BICC1: variants seen among roughly 807,000 people sequenced by gnomAD.
BICC1 encodes the protein BicC family RNA binding protein 1.
BICC1 carries 43 observed loss-of-function variants against 111.0 expected under a neutral mutation model. The ratio of observed to expected loss-of-function variants is 0.39; its 90% CI spans 0.30 to 0.50. BICC1 has a LOEUF of 0.50. Among genes scored for constraint, BICC1 ranks in the 20% least tolerant of loss-of-function variants. The pLI is 0.88. For synonymous variants in BICC1, 467 were observed against 434.4 expected (o/e 1.07, Z -0.93); for missense variants, 1,091 against 1,203.2 (o/e 0.91, Z 1.38).
chr10:58,769,411 T>TATATATATATATATAC, intron 3 of BICC1, among the ~76,000 whole-genome samples: 1 of 144,550 alleles, frequency 6.9e-6, no homozygotes. Flanking sequence ...TGTGTATATA[T>TATATATATATATATAC]ATATATATAT....
At chr10:58,701,994 A>G (rs1479075910) in intron 2 of BICC1, 80 bp from the exon 3 acceptor site, 2 of 1,084,384 alleles carry the variant, frequency 1.8e-6, no homozygotes, top group Non-Finnish European at 2.7e-6. Context: ...CTTGAAAATA[A>G]ACTTTTTTGT....
At chr10:58,767,198 A>G (rs1337121746) in intron 3 of BICC1, among the ~76,000 whole-genome samples, 1 of 152,044 alleles carries the variant, frequency 6.6e-6, no homozygotes, top group Non-Finnish European at 1.5e-5. Context: ...GTTTGTAGTC[A>G]GTTGGCTTGA....
intron 1 of BICC1, among the ~76,000 whole-genome samples, chr10:58,584,878 G>T (rs148185552): frequency 6.6e-6 from 1 of 151,660 alleles, no homozygotes; most frequent in African/African-American, 2.4e-5. Context: ...GTTTTACAAA[G>T]ACTAACCAGT....
chr10:58,541,952 C>G (rs574058070), intron 1 of BICC1, among the ~76,000 whole-genome samples: 57 of 151,958 alleles, frequency 3.8e-4, no homozygotes, highest in African/African-American at 1.4e-3. Flanking sequence ...GAGTTTGAGA[C>G]CAGCCTGGGC....
At chr10:58,797,479 T>C (rs963754916) in intron 10 of BICC1, among the ~76,000 whole-genome samples, 6 of 152,168 alleles carry the variant, frequency 3.9e-5, no homozygotes, top group African/African-American at 1.4e-4. Flanking sequence ...ATTTTTTTTG[T>C]ATCTTGGCCC....
At chr10:58,774,287 A>G (rs1428171743) in intron 3 of BICC1, among the ~76,000 whole-genome samples, 1 of 152,240 alleles carries the variant, frequency 6.6e-6, no homozygotes, top group Non-Finnish European at 1.5e-5. Flanking sequence ...GAGAAGAAAG[A>G]AGGAACTTTT....
chr10:58,688,897 G>T (rs961196278), intron 2 of BICC1, among the ~76,000 whole-genome samples: 1 of 152,060 alleles, frequency 6.6e-6, no homozygotes, highest in African/African-American at 2.4e-5. Flanking sequence ...GGGGCTAGGG[G>T]AGGGATAGCA....
chr10:58,717,492 T>G (rs1379418631), intron 3 of BICC1, among the ~76,000 whole-genome samples: 1 of 152,188 alleles, frequency 6.6e-6, no homozygotes, highest in Non-Finnish European at 1.5e-5. Context: ...TCTTTGTATA[T>G]TAATAACAAA....
rs56286810 is a variant in BICC1 at position 58,759,968 on chromosome 10, GAA to G, written c.308-25018_308-25017del. 1.8e-3 allele frequency among the ~76,000 whole-genome samples: 242 copies of G among 132,670 alleles called. 1 individual carries two copies. The highest frequency in any genetic ancestry group is 2.6e-3 in the Admixed American group (35 of 13,446). 87.0% of individuals were successfully genotyped at this position (132,670 alleles called of 152,430 possible). On this transcript the variant is annotated intron_variant, in intron 3 of 20. Transcript: ENST00000373886. ...AGTGAGACTCGTCTCAAAAGAAAAAGAAAAAAAAAAAAAAAAGAAGACAGCAA... is the reference window on the plus strand; with the variant it reads ...AGTGAGACTCGTCTCAAAAGAAAAAGAAAAAAAAAAAAAAGAAGACAGCAA...
rs77500675 is a variant in BICC1 at position 58,803,107 on chromosome 10, A to T, written c.2046A>T (p.Glu682Asp). Reference sequence around the variant, plus strand: ...CTGACAGGTTGCTCTCAGACCCTGAACTGAGTGCTACCGAAAGCCCTTTGG... The same window carrying T: ...CTGACAGGTTGCTCTCAGACCCTGATCTGAGTGCTACCGAAAGCCCTTTGG... ...HSTDRLLSDP[E>D]LSATESPLAD... Residue 682 changes from glutamate to aspartate, a missense_variant, in exon 15 of 21, where the codon GAA becomes GAT. Glu to Asp is a conservative substitution (Grantham distance 45). Transcript: ENST00000373886. 6,600 of 1,608,552 alleles carry T rather than the reference A, an allele frequency of 4.1e-3. 244 individuals carry two copies. The African/African-American group carries it at 0.076, about 19-fold the overall frequency.
intron 1 of BICC1, among the ~76,000 whole-genome samples, chr10:58,555,201 G>A (rs1843410529): frequency 6.6e-6 from 1 of 151,014 alleles, no homozygotes; most frequent in South Asian, 2.1e-4. Flanking sequence ...TACTTTCAGT[G>A]CAAACTTCTG....
intron 2 of BICC1, among the ~76,000 whole-genome samples, chr10:58,694,686 C>T (rs1265574971): frequency 6.6e-6 from 1 of 152,144 alleles, no homozygotes; most frequent in African/African-American, 2.4e-5. Flanking sequence ...TGTTAACAAC[C>T]ACAATGCTTC....
At chr10:58,571,432 T>C (rs1283700637) in intron 1 of BICC1, among the ~76,000 whole-genome samples, 1 of 152,176 alleles carries the variant, frequency 6.6e-6, no homozygotes, top group Non-Finnish European at 1.5e-5. Context: ...CATTGTCCCA[T>C]CACCCAGGTA....
At chr10:58,529,395 A>T (rs1842624228) in intron 1 of BICC1, among the ~76,000 whole-genome samples, 1 of 151,948 alleles carries the variant, frequency 6.6e-6, no homozygotes, top group Non-Finnish European at 1.5e-5. Flanking sequence ...CTTGTTGATT[A>T]TTGAGAACTA....
intron 1 of BICC1, among the ~76,000 whole-genome samples, chr10:58,585,149 C>T (rs1844395083): frequency 6.6e-6 from 1 of 152,160 alleles, no homozygotes; most frequent in African/African-American, 2.4e-5. Context: ...TTGAATAAGA[C>T]TAACATATTT....
intron 1 of BICC1, among the ~76,000 whole-genome samples, chr10:58,569,758 A>G (rs574188718): frequency 1.3e-5 from 2 of 152,270 alleles, no homozygotes; most frequent in Admixed American, 1.3e-4. Context: ...TCCACGGTGT[A>G]TATGTGTCAC....
intron 1 of BICC1, among the ~76,000 whole-genome samples, chr10:58,523,862 G>C (rs1842459246): frequency 6.6e-6 from 1 of 152,098 alleles, no homozygotes; most frequent in Non-Finnish European, 1.5e-5. Flanking sequence ...AAAGTCTTAG[G>C]ATACAAAATG....
At position 58,559,339 on chromosome 10, in the gene BICC1, G is replaced by GT. The variant is rs903995076; in HGVS notation, c.190+46016dup. Among the ~76,000 whole-genome samples the GT allele has an allele frequency of 3.4e-3, 506 of 146,818 alleles. 2 individuals are homozygous for GT. Among genetic ancestry groups the GT allele is most frequent in the African/African-American group, 0.01 (419 of 40,184 alleles). On this transcript the variant is annotated intron_variant, in intron 1 of 20. Coordinates refer to ENST00000373886, the MANE Select transcript of BICC1 (RefSeq NM_001080512.3). ...GCTAAATTTATTTCTAGGCATTTGTGTTTTTTTTTTGGTAAGTAGATATTG... is the reference window on the plus strand; with the variant it reads ...GCTAAATTTATTTCTAGGCATTTGTGTTTTTTTTTTTGGTAAGTAGATATTG...
intron 17 of BICC1, among the ~76,000 whole-genome samples, chr10:58,812,539 C>T (rs1843944075): frequency 6.6e-6 from 1 of 151,022 alleles, no homozygotes; most frequent in South Asian, 2.1e-4. Flanking sequence ...AGTGCAGTGG[C>T]ATGATCTTGC....
Sources: allele counts gnomAD v4.1 joint callset (sites outside exome capture counted in the v4.1 genomes callset), GRCh38; gene constraint gnomAD v4.1.1; transcripts MANE v1.5; gene names NCBI Gene and HGNC (gene_info 2026-07-23, HGNC 2026-07-21).